Variants in KCNMA1 observed in about 807,000 individuals in gnomAD.
The protein encoded by KCNMA1 is Calcium-activated potassium channel subunit alpha-1.
KCNMA1 carries 29 observed loss-of-function variants against 140.0 expected under a neutral mutation model. That is an observed-to-expected ratio of 0.21 (90% confidence interval 0.15 to 0.28). KCNMA1 has a LOEUF of 0.28. Among genes scored for constraint, KCNMA1 ranks in the 10% least tolerant of loss-of-function variants. The pLI is 1.00. For missense variants in KCNMA1, 880 were observed against 1,602.2 expected, an observed-to-expected ratio of 0.55 and a Z score of 7.70; for synonymous variants, 612 against 611.9, an observed-to-expected ratio of 1.00 and a Z score of 0.00.
chr10:77,410,044 A>G (rs2096584220), intron 1 of KCNMA1, among the ~76,000 whole-genome samples: 1 of 152,178 alleles, frequency 6.6e-6, no homozygotes, highest in Admixed American at 6.5e-5. Flanking sequence ...GGTTCTGGGC[A>G]GGAAGCAGGG....
At chr10:76,935,369 C>T (rs138279993) in intron 23 of KCNMA1, among the ~76,000 whole-genome samples, 309 of 152,336 alleles carry the variant, frequency 2.0e-3, no homozygotes, top group African/African-American at 7.0e-3. Context: ...CCATTCTCAT[C>T]AGGATAACAC....
intron 3 of KCNMA1, among the ~76,000 whole-genome samples, chr10:77,209,944 A>AT (rs2045489216): frequency 6.6e-6 from 1 of 151,020 alleles, no homozygotes. Flanking sequence ...AAAAAAAAAA[A>AT]GTCCTGGACC....
intron 18 of KCNMA1, among the ~76,000 whole-genome samples, chr10:77,007,653 G>GTGTATA: frequency 1.1e-5 from 1 of 88,482 alleles, no homozygotes; most frequent in African/African-American, 4.5e-5. Context: ...TTGTGTGTGT[G>GTGTATA]TATATATATA....
rs1318295084 is a variant in KCNMA1 at position 76,910,326 on chromosome 10, C to T, written c.3017-230G>A. ...CTGGAGAGCAATAAGTTCAAGCAGGCTTGCTCCACGGCAGGCCACTGGAGG... is the reference window on the plus strand; with the variant it reads ...CTGGAGAGCAATAAGTTCAAGCAGGTTTGCTCCACGGCAGGCCACTGGAGG... On this transcript the variant is annotated intron_variant, in intron 24 of 27. Transcript: ENST00000286628. The T allele has an allele frequency of 6.6e-5, 34 of 512,852 alleles. No individual in the cohort carries two copies. In the East Asian group the frequency reaches 1.3e-3, roughly 20 times the overall value. The allele number at this position is 512,852 out of a possible 1,614,324, so 31.8% of individuals were successfully genotyped here. A position where few individuals can be genotyped will look rare whatever the true frequency, so the allele number is the denominator to read the frequency against.
At chr10:77,429,620 C>T (rs1409391167) in intron 1 of KCNMA1, among the ~76,000 whole-genome samples, 3 of 152,134 alleles carry the variant, frequency 2.0e-5, no homozygotes, top group Non-Finnish European at 4.4e-5. Flanking sequence ...GGAAATTCCC[C>T]ATAGTAGTCT....
intron 1 of KCNMA1, among the ~76,000 whole-genome samples, chr10:77,629,350 T>G (rs1046311530): frequency 3.3e-5 from 5 of 152,164 alleles, no homozygotes; most frequent in Non-Finnish European, 7.3e-5. Context: ...TAGCTACTGA[T>G]CAAGAGAAAC....
chr10:77,447,737 C>T (rs904233139), intron 1 of KCNMA1, among the ~76,000 whole-genome samples: 1 of 152,128 alleles, frequency 6.6e-6, no homozygotes, highest in Non-Finnish European at 1.5e-5. Flanking sequence ...ACCTCTGTGT[C>T]CATCCTAAAT....
intron 16 of KCNMA1, among the ~76,000 whole-genome samples, chr10:77,022,008 C>T (rs2092918294): frequency 6.6e-6 from 1 of 152,292 alleles, no homozygotes; most frequent in South Asian, 2.1e-4. Context: ...TGCTAATCCC[C>T]GTCTTCTTCA....
chr10:77,040,207 G>A (rs148827999), intron 14 of KCNMA1, among the ~76,000 whole-genome samples: 7 of 152,082 alleles, frequency 4.6e-5, no homozygotes, highest in Non-Finnish European at 7.4e-5. Context: ...CTAATGGTGC[G>A]GAGACATGGG....
chr10:77,194,652 C>T (rs561368580), intron 3 of KCNMA1, among the ~76,000 whole-genome samples: 1 of 151,902 alleles, frequency 6.6e-6, no homozygotes, highest in African/African-American at 2.4e-5. Flanking sequence ...TTATTCTGAA[C>T]CTTAGTATTT....
chr10:77,440,747 CAG>C (rs2097378080), intron 1 of KCNMA1, among the ~76,000 whole-genome samples: 2 of 152,134 alleles, frequency 1.3e-5, no homozygotes, highest in South Asian at 4.2e-4. Context: ...CTGGCTTTTG[CAG>C]AGTGAGCAGG....
intron 20 of KCNMA1, among the ~76,000 whole-genome samples, chr10:76,963,192 G>C (rs1480459588): frequency 6.6e-6 from 1 of 152,110 alleles, no homozygotes; most frequent in Non-Finnish European, 1.5e-5. Context: ...TTAGAGATGG[G>C]CCCCCATCAC....
At chr10:76,973,644 TAAC>T (rs1216294963) in intron 19 of KCNMA1, among the ~76,000 whole-genome samples, 1 of 152,238 alleles carries the variant, frequency 6.6e-6, no homozygotes, top group Non-Finnish European at 1.5e-5. Context: ...TGAACATCTG[TAAC>T]AACATTTTAC....
intron 2 of KCNMA1, among the ~76,000 whole-genome samples, chr10:77,297,594 G>A (rs2154326365): frequency 6.6e-6 from 1 of 152,116 alleles, no homozygotes; most frequent in East Asian, 1.9e-4. Context: ...TTGGTAAACT[G>A]TAAGGCACTA....
intron 1 of KCNMA1, among the ~76,000 whole-genome samples, chr10:77,510,112 T>G (rs1168523423): frequency 6.6e-6 from 1 of 152,036 alleles, no homozygotes; most frequent in African/African-American, 2.4e-5. Flanking sequence ...GAAAAGAGAT[T>G]TGGGGATTCA....
intron 1 of KCNMA1, among the ~76,000 whole-genome samples, chr10:77,449,699 G>A (rs2154519293): frequency 7.1e-6 from 1 of 140,788 alleles, no homozygotes; most frequent in African/African-American, 2.7e-5. Context: ...CTGGAGTGCA[G>A]TGGCGGGATG....
At chr10:77,026,229 G>C (rs1485516184) in intron 16 of KCNMA1, among the ~76,000 whole-genome samples, 1 of 152,088 alleles carries the variant, frequency 6.6e-6, no homozygotes, top group Non-Finnish European at 1.5e-5. Context: ...AAAGACAACT[G>C]CTCAAGGTTC....
intron 25 of KCNMA1, among the ~76,000 whole-genome samples, chr10:76,909,291 T>C (rs1157646875): frequency 6.6e-6 from 1 of 152,090 alleles, no homozygotes; most frequent in Non-Finnish European, 1.5e-5. Flanking sequence ...ACCAGCTCTA[T>C]CCTAGTCCAA....
chr10:77,561,128 C>CT (rs5786297), intron 1 of KCNMA1, among the ~76,000 whole-genome samples: 29,239 of 150,310 alleles, frequency 0.19, 3,182 homozygotes, highest in African/African-American at 0.3. Flanking sequence ...AAAAATACAA[C>CT]TTTTTTTTTT....
Sources: gnomAD v4.1 joint callset for allele counts (sites outside exome capture counted in the v4.1 genomes callset) on GRCh38, gnomAD v4.1.1 for gene constraint, MANE v1.5 for transcripts, NCBI Gene and HGNC (gene_info 2026-07-23, HGNC 2026-07-21) for gene names.